CMC2: variants seen among roughly 807,000 people sequenced by gnomAD.
CMC2 encodes COX assembly mitochondrial protein 2 homolog.
In CMC2, 5 loss-of-function variants were observed where a neutral mutation model predicts 7.5. The ratio of observed to expected loss-of-function variants is 0.66; its 90% CI spans 0.35 to 1.40. The LOEUF (loss-of-function observed/expected upper bound fraction) is 1.40, where lower values mean the gene tolerates loss of function less well. CMC2 is among the 40% of genes most tolerant of loss of function. The pLI is 0.04. For missense variants in CMC2, 115 were observed against 92.3 expected (o/e 1.25, Z -1.01); for synonymous variants, 37 against 31.4 (o/e 1.18, Z -0.60).
intron 1 of CMC2, among the ~76,000 whole-genome samples, chr16:81,004,008 A>C (rs1209576519): frequency 6.6e-6 from 1 of 152,198 alleles, no homozygotes; most frequent in Non-Finnish European, 1.5e-5. Context: ...AGATCACTTG[A>C]GGTCAGGAGT....
intron 2 of CMC2, among the ~76,000 whole-genome samples, chr16:80,985,787 GGAT>G (rs1967472884): frequency 6.6e-6 from 1 of 150,968 alleles, no homozygotes; most frequent in South Asian, 2.1e-4. Context: ...AAAACCTGAA[GGAT>G]GATAAGACCT....
At chr16:81,000,802 G>A (rs1033974349) in intron 1 of CMC2, among the ~76,000 whole-genome samples, 1 of 152,180 alleles carries the variant, frequency 6.6e-6, no homozygotes, top group Non-Finnish European at 1.5e-5. Flanking sequence ...TTCTCAAAGA[G>A]CTTAAAACAG....
Position 80,973,897 on chromosome 16 carries a change from T to C in CMC2, c.*2196A>G, listed in dbSNP as rs1399336740. 6.6e-6 allele frequency: 1 copy of C among 152,216 alleles called. No homozygotes were observed. The highest frequency in any genetic ancestry group is 6.5e-5 in the Admixed American group (1 of 15,276). 9.4% of individuals were successfully genotyped at this position (152,216 alleles called of 1,614,324 possible). ...CCATAAAAACGTACTCATATATTAC[T>C]TATAAAATTTTTAAGAATGAACTTC... On this transcript the variant is annotated 3_prime_UTR_variant, in exon 4 of 4. Transcript: ENST00000219400.
intron 1 of CMC2, chr16:80,998,470 G>A (rs2151648129): frequency 6.6e-6 from 1 of 152,228 alleles, no homozygotes; most frequent in East Asian, 1.9e-4. Flanking sequence ...TGGTATAGCA[G>A]TTCCTCAAAA....
Position 80,973,890 on chromosome 16 carries a change from A to G in CMC2, c.*2203T>C, listed in dbSNP as rs938909728. Reference sequence around the variant, plus strand: ...GAATATCCCATAAAAACGTACTCATATATTACTTATAAAATTTTTAAGAAT... The same window carrying G: ...GAATATCCCATAAAAACGTACTCATGTATTACTTATAAAATTTTTAAGAAT... On this transcript the variant is annotated 3_prime_UTR_variant, in exon 4 of 4. Coordinates refer to ENST00000219400, the MANE Select transcript of CMC2 (RefSeq NM_020188.5). The G allele has an allele frequency of 1.3e-5, 2 of 152,226 alleles. No individual in the cohort carries two copies. Among genetic ancestry groups the G allele is most frequent in the African/African-American group, 4.8e-5 (2 of 41,452 alleles). The allele number at this position is 152,226 out of a possible 1,614,324, so 9.4% of individuals were successfully genotyped here. A position where few individuals can be genotyped will look rare whatever the true frequency, so the allele number is the denominator to read the frequency against.
intron 2 of CMC2, chr16:80,988,639 C>A (rs1967730993): frequency 1.4e-6 from 1 of 695,460 alleles, no homozygotes. Context: ...CATACGATTA[C>A]CAAAATTAGG....
chr16:80,992,680 G>C (rs1015204333), intron 2 of CMC2, among the ~76,000 whole-genome samples: 1 of 137,812 alleles, frequency 7.3e-6, no homozygotes, highest in African/African-American at 2.8e-5. Flanking sequence ...TTTTCTCTCT[G>C]ATTTTTGGCC....
intron 1 of CMC2, among the ~76,000 whole-genome samples, chr16:81,003,084 T>C (rs1347361984): frequency 6.6e-6 from 1 of 152,210 alleles, no homozygotes; most frequent in Non-Finnish European, 1.5e-5. Context: ...CCACTTTGTG[T>C]CACTTGGCTT....
At chr16:81,005,812 T>G (rs796995692) in intron 1 of CMC2, among the ~76,000 whole-genome samples, 7 of 152,340 alleles carry the variant, frequency 4.6e-5, no homozygotes, top group African/African-American at 1.7e-4. Flanking sequence ...CAGAATCATG[T>G]GAATTTCAGA....
intron 3 of CMC2, among the ~76,000 whole-genome samples, chr16:80,979,987 T>C (rs140297508): frequency 5.3e-4 from 80 of 151,402 alleles, no homozygotes; most frequent in African/African-American, 1.9e-3. Flanking sequence ...GCGACCTAGA[T>C]AGCTCACTGC....
chr16:80,978,419 A>G, intron 3 of CMC2: 1 of 1,250,296 alleles, frequency 8.0e-7, no homozygotes, highest in Non-Finnish European at 1.0e-6. Flanking sequence ...ATGGTCCCTG[A>G]ATAAAAGGGG....
chr16:80,966,693 A>G lies in CMC2; in HGVS notation c.*9400T>C, dbSNP rs1270956585. On this transcript the variant is annotated 3_prime_UTR_variant, in exon 4 of 4. Transcript: ENST00000219400. ...ATGTAAAGTCAAAATATTGTATTTG[A>G]ACAACACTTATAATCATTTCCTTTC... 2 of 152,204 alleles carry G rather than the reference A, an allele frequency of 1.3e-5. No homozygotes were observed. Among genetic ancestry groups the G allele is most frequent in the Admixed American group, 1.3e-4 (2 of 15,288 alleles). 9.4% of individuals were successfully genotyped at this position (152,204 alleles called of 1,614,324 possible).
chr16:81,000,162 A>G (rs3112035), intron 1 of CMC2, among the ~76,000 whole-genome samples: 95,824 of 152,132 alleles, frequency 0.63, 31,710 homozygotes, highest in South Asian at 0.79. Context: ...GAATCTATAA[A>G]GAAATTAATT....
intron 2 of CMC2, among the ~76,000 whole-genome samples, chr16:80,987,773 CAG>C (rs1327844781): frequency 6.6e-6 from 1 of 152,170 alleles, no homozygotes; most frequent in Non-Finnish European, 1.5e-5. Flanking sequence ...CCAGCACAGA[CAG>C]GGGTATTCAG....
chr16:80,996,333 T>C (rs1319755584), intron 2 of CMC2, among the ~76,000 whole-genome samples: 1 of 152,260 alleles, frequency 6.6e-6, no homozygotes, highest in Non-Finnish European at 1.5e-5. Context: ...TCTCTGACTA[T>C]AACTGACCAT....
rs1027087397 is a variant in CMC2 at position 81,006,110 on chromosome 16, A to G, written c.-36+624T>C. 4.6e-5 allele frequency among the ~76,000 whole-genome samples: 7 copies of G among 152,360 alleles called. No homozygotes were observed. The South Asian group carries it at 6.2e-4, about 14-fold the overall frequency. On this transcript the variant is annotated intron_variant, in intron 1 of 3. Coordinates refer to ENST00000219400, the MANE Select transcript of CMC2 (RefSeq NM_020188.5). ...TTGAGGTTTTAAATGAAGACTTCCA[A>G]AACTGATTTACTTAAGACTCTACGT...
chr16:80,991,964 C>G, intron 2 of CMC2: 1 of 455,228 alleles, frequency 2.2e-6, no homozygotes, highest in Admixed American at 2.4e-5. Context: ...AATCCTGTAA[C>G]AGAGAAAAGA....
chr16:80,972,741 A>G lies in CMC2; in HGVS notation c.*3352T>C, dbSNP rs1912016252. On this transcript the variant is annotated 3_prime_UTR_variant, in exon 4 of 4. Transcript: ENST00000219400. Reference sequence around the variant, plus strand: ...GTTTACTTATCGTCTGCAAGTCCACAGTAAGGAAATCTCTTCCTTCACTTG... The same window carrying G: ...GTTTACTTATCGTCTGCAAGTCCACGGTAAGGAAATCTCTTCCTTCACTTG... The G allele has an allele frequency of 6.6e-6, 1 of 152,246 alleles. No homozygotes were observed. Among genetic ancestry groups the G allele is most frequent in the African/African-American group, 2.4e-5 (1 of 41,470 alleles). The allele number at this position is 152,246 out of a possible 1,614,324, so 9.4% of individuals were successfully genotyped here.
At chr16:80,992,189 T>A (rs1440081692) in intron 2 of CMC2, among the ~76,000 whole-genome samples, 1 of 152,166 alleles carries the variant, frequency 6.6e-6, no homozygotes, top group Non-Finnish European at 1.5e-5. Flanking sequence ...AAAGTCTATT[T>A]AAAAATAAAA....
Sources: gnomAD v4.1 joint callset for allele counts (sites outside exome capture counted in the v4.1 genomes callset) on GRCh38, gnomAD v4.1.1 for gene constraint, MANE v1.5 for transcripts, NCBI Gene and HGNC (gene_info 2026-07-23, HGNC 2026-07-21) for gene names.